Variants in CNTNAP2 observed in about 807,000 individuals in gnomAD.
CNTNAP2 encodes contactin associated protein 2, also known as contactin-associated protein-like 2.
A neutral mutation model predicts 155.2 loss-of-function variants in CNTNAP2; 98 were observed. That is an observed-to-expected ratio of 0.63 (90% CI 0.54 to 0.75). The LOEUF (loss-of-function observed/expected upper bound fraction) is 0.75. Among genes scored for constraint, CNTNAP2 ranks in the 30% least tolerant of loss-of-function variants. The probability of loss-of-function intolerance (pLI) is 0.00; values close to 1 mark genes in which losing one functional copy is unlikely to be tolerated. For missense variants in CNTNAP2, 1,727 were observed against 1,688.1 expected (o/e 1.02, Z -0.40); for synonymous variants, 651 against 631.2 (o/e 1.03, Z -0.47).
At chr7:146,574,488 G>C (rs1798492176) in intron 1 of CNTNAP2, among the ~76,000 whole-genome samples, 1 of 152,136 alleles carries the variant, frequency 6.6e-6, no homozygotes, top group African/African-American at 2.4e-5. Context: ...GAATAATGAG[G>C]TCAAGAGATC....
intron 1 of CNTNAP2, among the ~76,000 whole-genome samples, chr7:146,651,853 A>G (rs1157141950): frequency 6.6e-6 from 1 of 152,172 alleles, no homozygotes; most frequent in African/African-American, 2.4e-5. Context: ...TGTCTGTCAC[A>G]GTAAAGTATC....
intron 18 of CNTNAP2, among the ~76,000 whole-genome samples, chr7:148,181,631 A>G (rs945390085): frequency 1.3e-5 from 2 of 151,976 alleles, no homozygotes; most frequent in African/African-American, 2.4e-5. Flanking sequence ...TTAAAAATTC[A>G]GTGCAGAAAA....
intron 13 of CNTNAP2, among the ~76,000 whole-genome samples, chr7:147,702,379 T>C (rs1796249122): frequency 6.6e-6 from 1 of 152,154 alleles, no homozygotes; most frequent in Non-Finnish European, 1.5e-5. Flanking sequence ...TTAAAATAAA[T>C]GGGTTAGCTG....
At chr7:147,840,137 A>G (rs117868470) in intron 13 of CNTNAP2, among the ~76,000 whole-genome samples, 1,779 of 152,196 alleles carry the variant, frequency 0.012, 93 homozygotes, top group Admixed American at 0.09. Flanking sequence ...GTCATAGAGC[A>G]TGGAATAATA....
intron 8 of CNTNAP2, among the ~76,000 whole-genome samples, chr7:147,247,370 T>G (rs1804090729): frequency 6.6e-6 from 1 of 152,122 alleles, no homozygotes; most frequent in South Asian, 2.1e-4. Flanking sequence ...TCAATAAGAA[T>G]CACAGATCTG....
At chr7:147,682,857 A>G (rs1249047081) in intron 13 of CNTNAP2, among the ~76,000 whole-genome samples, 4 of 151,980 alleles carry the variant, frequency 2.6e-5, no homozygotes, top group Admixed American at 2.0e-4. Flanking sequence ...TGCCCAGTTA[A>G]GGTTTTTTGG....
intron 1 of CNTNAP2, among the ~76,000 whole-genome samples, chr7:146,671,842 G>A (rs1800313764): frequency 6.7e-6 from 1 of 148,886 alleles, no homozygotes; most frequent in South Asian, 2.1e-4. Flanking sequence ...TTTTGATGGA[G>A]TCTAACTCTG....
At chr7:148,254,209 G>T (rs914299856) in intron 20 of CNTNAP2, among the ~76,000 whole-genome samples, 1 of 152,206 alleles carries the variant, frequency 6.6e-6, no homozygotes, top group South Asian at 2.1e-4. Context: ...AGCAGACGAT[G>T]TGACATCAAC....
chr7:147,294,095 C>T (rs1009730084), intron 8 of CNTNAP2, among the ~76,000 whole-genome samples: 7 of 152,196 alleles, frequency 4.6e-5, no homozygotes, highest in African/African-American at 1.2e-4. Flanking sequence ...CATACCACAC[C>T]GGGTTCCAAT....
intron 13 of CNTNAP2, among the ~76,000 whole-genome samples, chr7:147,782,991 G>A (rs1584952617): frequency 6.6e-6 from 1 of 152,190 alleles, no homozygotes; most frequent in Admixed American, 6.5e-5. Context: ...ATTAGAAGCA[G>A]TATCTTCTTA....
At chr7:146,436,023 A>C (rs890954226) in intron 1 of CNTNAP2, among the ~76,000 whole-genome samples, 1 of 152,174 alleles carries the variant, frequency 6.6e-6, no homozygotes, top group Non-Finnish European at 1.5e-5. Flanking sequence ...CCAGTTATTG[A>C]TCACATTTCC....
chr7:146,958,909 A>G (rs1254694471), intron 3 of CNTNAP2, among the ~76,000 whole-genome samples: 2 of 152,028 alleles, frequency 1.3e-5, no homozygotes, highest in African/African-American at 4.8e-5. Flanking sequence ...CATTTTTCTT[A>G]GTTTAACTCA....
intron 16 of CNTNAP2, among the ~76,000 whole-genome samples, chr7:148,122,088 T>C (rs1270865592): frequency 1.3e-5 from 2 of 152,202 alleles, no homozygotes; most frequent in African/African-American, 2.4e-5. Context: ...TTTACGTGAA[T>C]CATCTCACAC....
At chr7:146,518,618 A>C (rs568213603) in intron 1 of CNTNAP2, among the ~76,000 whole-genome samples, 23 of 151,946 alleles carry the variant, frequency 1.5e-4, no homozygotes, top group East Asian at 1.4e-3. Context: ...TTAGCAAAAA[A>C]TTTTTATGTC....
chr7:148,013,259 T>C (rs887035774), intron 15 of CNTNAP2: 3 of 152,356 alleles, frequency 2.0e-5, no homozygotes, highest in South Asian at 2.1e-4. Flanking sequence ...GCAGAATAAA[T>C]AGTAGAACTA....
chr7:147,259,292 T>C (rs1804402495), intron 8 of CNTNAP2, among the ~76,000 whole-genome samples: 1 of 152,210 alleles, frequency 6.6e-6, no homozygotes, highest in African/African-American at 2.4e-5. Context: ...CCTCAGTACA[T>C]TTGTTTTCTC....
chr7:147,580,706 C>T (rs1447740491), intron 12 of CNTNAP2, among the ~76,000 whole-genome samples: 1 of 151,950 alleles, frequency 6.6e-6, no homozygotes, highest in Non-Finnish European at 1.5e-5. Context: ...ACCTTCGCCT[C>T]CCAGGTTCAA....
At chr7:147,897,470 A>G (rs1799796542) in intron 13 of CNTNAP2, among the ~76,000 whole-genome samples, 2 of 152,172 alleles carry the variant, frequency 1.3e-5, no homozygotes, top group Admixed American at 1.3e-4. Context: ...GTTTCCAAAA[A>G]CAGTGATACT....
chr7:147,787,816 C>T (rs1449845162), intron 13 of CNTNAP2, among the ~76,000 whole-genome samples: 1 of 152,108 alleles, frequency 6.6e-6, no homozygotes, highest in Non-Finnish European at 1.5e-5. Flanking sequence ...GGAAATTAGA[C>T]TGGACTCATT....
Sources: allele counts gnomAD v4.1 joint callset (sites outside exome capture counted in the v4.1 genomes callset), GRCh38; gene constraint gnomAD v4.1.1; transcripts MANE v1.5; gene names NCBI Gene and HGNC (gene_info 2026-07-23, HGNC 2026-07-21).